SYNPR: variants seen among roughly 807,000 people sequenced by gnomAD.
The protein encoded by SYNPR is synaptoporin.
In SYNPR, 23 loss-of-function variants were observed where a neutral mutation model predicts 32.9. The ratio of observed to expected loss-of-function variants is 0.70; its 90% CI spans 0.50 to 0.99. The LOEUF (loss-of-function observed/expected upper bound fraction) is 0.99, where lower values mean the gene tolerates loss of function less well. Ranked by LOEUF, SYNPR falls within the 50% of genes least tolerant of loss-of-function variation. The pLI, the probability that SYNPR is intolerant of heterozygous loss-of-function variation, is 0.00. For missense variants in SYNPR, 318 were observed against 349.3 expected (o/e 0.91, Z 0.71); for synonymous variants, 146 against 135.9 (o/e 1.07, Z -0.52).
intron 2 of SYNPR, among the ~76,000 whole-genome samples, chr3:63,418,772 ATGATTCAATTACC>A (rs2088573394): frequency 1.3e-5 from 2 of 152,116 alleles, no homozygotes; most frequent in South Asian, 4.1e-4. Context: ...ACCTCCTCCC[ATGATTCAATTACC>A]CCCACCAGGT....
chr3:63,449,222 T>C (rs1700336075), intron 2 of SYNPR, among the ~76,000 whole-genome samples: 1 of 152,212 alleles, frequency 6.6e-6, no homozygotes, highest in Admixed American at 6.5e-5. Context: ...ATCTAACTTG[T>C]ATTATCTGGT....
chr3:63,562,066 A>T (rs1478293378), intron 4 of SYNPR, among the ~76,000 whole-genome samples: 1 of 152,206 alleles, frequency 6.6e-6, no homozygotes, highest in East Asian at 1.9e-4. Flanking sequence ...AATAAATATC[A>T]GCTCTCAGAA....
intron 2 of SYNPR, among the ~76,000 whole-genome samples, chr3:63,381,759 T>C (rs571660107): frequency 6.6e-6 from 1 of 152,316 alleles, no homozygotes; most frequent in Non-Finnish European, 1.5e-5. Flanking sequence ...TCATTCTCTC[T>C]GTGTATTGTT....
intron 4 of SYNPR, among the ~76,000 whole-genome samples, chr3:63,567,057 A>C (rs1483373148): frequency 6.6e-6 from 1 of 152,118 alleles, no homozygotes; most frequent in African/African-American, 2.4e-5. Context: ...GTTCTTCTAT[A>C]TTATTTTTTG....
chr3:63,492,366 A>T (rs1701271871), intron 3 of SYNPR, among the ~76,000 whole-genome samples: 1 of 152,204 alleles, frequency 6.6e-6, no homozygotes, highest in Non-Finnish European at 1.5e-5. Flanking sequence ...TAGACCTCTA[A>T]TTCTACGAAA....
At chr3:63,512,748 C>T (rs980001185) in intron 3 of SYNPR, among the ~76,000 whole-genome samples, 2 of 152,192 alleles carry the variant, frequency 1.3e-5, no homozygotes, top group African/African-American at 4.8e-5. Context: ...GAAGAAAACA[C>T]AGCCCTGCTT....
In SYNPR at chr3:63,391,748, A is replaced by T. The variant is rs531858419; in HGVS notation, c.85-89084A>T. ...TTTTGCTGGCTATGATCATATAGGA[A>T]GATAGTGGCAGACTGAGAGGTGGAC... On this transcript the variant is annotated intron_variant, in intron 2 of 5. Coordinates refer to ENST00000478300, the MANE Select transcript of SYNPR (RefSeq NM_001130003.2). 5.3e-5 allele frequency among the ~76,000 whole-genome samples: 8 copies of T among 152,328 alleles called. No homozygotes were observed. The South Asian group carries it at 1.7e-3, about 32-fold the overall frequency.
At chr3:63,290,177 A>G (rs767095010) in intron 2 of SYNPR, among the ~76,000 whole-genome samples, 1 of 152,116 alleles carries the variant, frequency 6.6e-6, no homozygotes, top group Non-Finnish European at 1.5e-5. Context: ...TAAGGCCTCA[A>G]GAGATCCCAC....
intron 2 of SYNPR, among the ~76,000 whole-genome samples, chr3:63,459,476 C>A (rs1575655581): frequency 6.6e-6 from 1 of 152,200 alleles, no homozygotes; most frequent in African/African-American, 2.4e-5. Context: ...ACGTTTCATC[C>A]TAAATTATCC....
At chr3:63,503,939 C>T (rs1455110206) in intron 3 of SYNPR, among the ~76,000 whole-genome samples, 2 of 151,538 alleles carry the variant, frequency 1.3e-5, no homozygotes, top group African/African-American at 4.8e-5. Context: ...CCATTTATAC[C>T]CAGCATTAAC....
At chr3:63,317,373 T>G (rs2087054519) in intron 2 of SYNPR, among the ~76,000 whole-genome samples, 1 of 151,972 alleles carries the variant, frequency 6.6e-6, no homozygotes, top group African/African-American at 2.4e-5. Flanking sequence ...TCTATCTCAT[T>G]TATTGGGTCT....
chr3:63,437,113 G>A (rs1207005064), intron 2 of SYNPR, among the ~76,000 whole-genome samples: 1 of 151,950 alleles, frequency 6.6e-6, no homozygotes, highest in East Asian at 1.9e-4. Context: ...CTGACCTCAA[G>A]TTATCTGCCC....
chr3:63,500,368 A>T (rs1316857977), intron 3 of SYNPR, among the ~76,000 whole-genome samples: 7 of 152,124 alleles, frequency 4.6e-5, no homozygotes, highest in African/African-American at 1.4e-4. Context: ...GGGTTACGAG[A>T]TCTGACTTTG....
At chr3:63,416,388 C>T (rs1021352786) in intron 2 of SYNPR, among the ~76,000 whole-genome samples, 6 of 151,986 alleles carry the variant, frequency 3.9e-5, no homozygotes, top group Admixed American at 3.9e-4. Flanking sequence ...AAAAATTAGC[C>T]AGGCGTGGTG....
chr3:63,240,370 G>A (rs113170610), intron 1 of SYNPR, among the ~76,000 whole-genome samples: 4,640 of 152,110 alleles, frequency 0.031, 113 homozygotes, highest in Middle Eastern at 0.078. Context: ...AGGAAAAAAA[G>A]CAAATGTTTT....
At chr3:63,295,369 A>G (rs12107979) in intron 2 of SYNPR, among the ~76,000 whole-genome samples, 7,457 of 152,258 alleles carry the variant, frequency 0.049, 576 homozygotes, top group African/African-American at 0.17. Context: ...TTAGAAAAAC[A>G]AGTAATGGTT....
At chr3:63,210,407 T>A in the SYNPR span, among the ~76,000 whole-genome samples, 1 of 152,238 alleles carries the variant, frequency 6.6e-6, no homozygotes, top group Admixed American at 6.5e-5. Context: ...CTGAAATAGA[T>A]TGTGGACAAA....
intron 4 of SYNPR, among the ~76,000 whole-genome samples, chr3:63,607,112 C>G (rs1308632514): frequency 6.6e-6 from 1 of 152,088 alleles, no homozygotes; most frequent in Non-Finnish European, 1.5e-5. Context: ...AAGTCTATTT[C>G]TAATTATGAT....
At chr3:63,440,605 G>A (rs1700152860) in intron 2 of SYNPR, among the ~76,000 whole-genome samples, 1 of 152,098 alleles carries the variant, frequency 6.6e-6, no homozygotes, top group Non-Finnish European at 1.5e-5. Flanking sequence ...AAAATACGAG[G>A]CAGAAAGAGC....
Sources: allele counts gnomAD v4.1 joint callset (sites outside exome capture counted in the v4.1 genomes callset), GRCh38; gene constraint gnomAD v4.1.1; transcripts MANE v1.5; gene names NCBI Gene and HGNC (gene_info 2026-07-23, HGNC 2026-07-21).